The following FAM81B variants were observed in gnomAD, a reference collection of about 807,000 sequenced individuals.
The protein encoded by FAM81B is family with sequence similarity 81 member B.
A neutral mutation model predicts 58.7 loss-of-function variants in FAM81B; 60 were observed. The ratio of observed to expected loss-of-function variants is 1.02; its 90% confidence interval spans 0.83 to 1.27. The LOEUF is 1.27. FAM81B is among the 50% of genes most tolerant of loss of function. FAM81B has a pLI of 0.00. For missense variants in FAM81B, 491 were observed against 522.0 expected, an observed-to-expected ratio of 0.94 and a Z score of 0.58; for synonymous variants, 189 against 179.6, an observed-to-expected ratio of 1.05 and a Z score of -0.42.
At chr5:95,421,911 T>C (rs146294680) in intron 5 of FAM81B, among the ~76,000 whole-genome samples, 2 of 152,344 alleles carry the variant, frequency 1.3e-5, no homozygotes, top group Non-Finnish European at 2.9e-5. Context: ...GGTTGAATAC[T>C]CATGTCATGC....
intron 3 of FAM81B, among the ~76,000 whole-genome samples, chr5:95,402,146 C>T (rs1762130466): frequency 6.6e-6 from 1 of 152,188 alleles, no homozygotes; most frequent in African/African-American, 2.4e-5. Flanking sequence ...CTAGGGAAAG[C>T]CCTCAGTTTT....
intron 3 of FAM81B, among the ~76,000 whole-genome samples, chr5:95,397,815 T>C (rs1762002320): frequency 6.6e-6 from 1 of 152,248 alleles, no homozygotes; most frequent in Non-Finnish European, 1.5e-5. Context: ...TTGTTAATTG[T>C]CTTTTGGTCT....
Position 95,424,315 on chromosome 5 carries a change from A to G in FAM81B, c.656+3913A>G, listed in dbSNP as rs1762766874. On this transcript the variant is annotated intron_variant, in intron 5 of 9. Transcript: ENST00000283357. ...ATAGATGATAGACAGACAGACAGAT[A>G]ATAGATACATAAAACATAAGCAAAA... The G allele has an allele frequency of 3.0e-6, 3 of 1,003,698 alleles. No homozygotes were observed. In the Admixed American group the frequency reaches 7.0e-5, roughly 24 times the overall value. 62.2% of individuals were successfully genotyped at this position (1,003,698 alleles called of 1,614,324 possible).
rs1412899279 is a variant in FAM81B at position 95,420,421 on chromosome 5, AC to A, written c.656+20del. 2 of 1,612,986 alleles carry A rather than the reference AC, an allele frequency of 1.2e-6. No individual in the cohort carries two copies. Among genetic ancestry groups the A allele is most frequent in the Admixed American group, 3.3e-5 (2 of 59,942 alleles). On this transcript the variant is annotated intron_variant, in intron 5 of 9. Transcript: ENST00000283357. ...TAGCCAGGTGAGAAGAAGCATGTTG[AC>A]TAATGTTTAACAGTGAATTCTTGGC... is the stretch of plus-strand genomic sequence containing the variant.
chr5:95,391,534 G>T, intron 1 of FAM81B, 21 bp downstream of exon 1: 2 of 1,588,586 alleles, frequency 1.3e-6, no homozygotes, highest in South Asian at 1.2e-5. Flanking sequence ...ACTATTCGAG[G>T]TCTCTAAATT....
Position 95,450,310 on chromosome 5 carries a change from A to G in FAM81B, c.*28A>G. On this transcript the variant is annotated 3_prime_UTR_variant, in exon 10 of 10. Coordinates refer to ENST00000283357, the MANE Select transcript of FAM81B (RefSeq NM_152548.3). ...CTTTTCAGTCATCTTCTTTTTCATC[A>G]GCCAATGGAGTGATTTGTTGGAAAA... 1.2e-6 allele frequency: 2 copies of G among 1,604,044 alleles called. No homozygotes were observed. Among genetic ancestry groups the G allele is most frequent in the Non-Finnish European group, 1.7e-6 (2 of 1,176,812 alleles).
intron 5 of FAM81B, 139 bp downstream of exon 5, chr5:95,420,541 T>C: frequency 8.0e-7 from 1 of 1,256,736 alleles, no homozygotes; most frequent in Non-Finnish European, 1.1e-6. Flanking sequence ...TTTGAGAAAG[T>C]GTACCATAGA....
chr5:95,415,446 C>T (rs776092908), intron 4 of FAM81B, among the ~76,000 whole-genome samples: 1 of 152,142 alleles, frequency 6.6e-6, no homozygotes, highest in South Asian at 2.1e-4. Context: ...CCATAATGTA[C>T]CTGAGGCAGT....
chr5:95,394,059 A>G (rs1247725261), intron 2 of FAM81B, among the ~76,000 whole-genome samples: 3 of 152,142 alleles, frequency 2.0e-5, no homozygotes, highest in South Asian at 2.1e-4. Flanking sequence ...CCAAAAGCCA[A>G]CATCAGTGGC....
chr5:95,437,004 T>C, intron 7 of FAM81B, 98 bp downstream of exon 7: 1 of 854,662 alleles, frequency 1.2e-6, no homozygotes, highest in Non-Finnish European at 1.9e-6. Flanking sequence ...CCCAGGAATT[T>C]GAACCTGGCC....
Position 95,448,404 on chromosome 5 carries a change from G to T in FAM81B, c.1165G>T (p.Glu389Ter). 6.2e-7 allele frequency: 1 copy of T among 1,612,482 alleles called. No homozygotes were observed. The highest frequency in any genetic ancestry group is 1.1e-5 in the South Asian group (1 of 90,478). ...HMENKLSKKMEQMEKQIWGEL... is the reference protein window; with the variant it reads ...HMENKLSKKM ...GGAAAATAAATTGTCCAAAAAGATG[G>T]AACAAATGGAAAAGCAGATCTGGGG... The change falls in exon 9 of 10, where the codon GAA (glutamate) becomes TAA (stop). Residue 389 changes from glutamate (E) to a stop codon, truncating the protein, a stop_gained. Transcript: ENST00000283357. LOFTEE classifies it high-confidence loss of function.
At chr5:95,403,068 A>G (rs996384393) in intron 3 of FAM81B, among the ~76,000 whole-genome samples, 4 of 152,138 alleles carry the variant, frequency 2.6e-5, no homozygotes, top group African/African-American at 7.2e-5. Flanking sequence ...ATCCTGCCTT[A>G]TATTATTCGC....
intron 5 of FAM81B, among the ~76,000 whole-genome samples, chr5:95,428,089 G>A (rs893967734): frequency 2.6e-5 from 4 of 152,158 alleles, no homozygotes; most frequent in South Asian, 2.1e-4. Context: ...AGGCTAAAAC[G>A]GTGAGAAATT....
chr5:95,414,088 G>T lies in FAM81B; in HGVS notation c.435G>T (p.Gly145=). ...IKEDISACLQ[G]THGFRKEESL... Reference sequence around the variant, plus strand: ...AGGACATCTCTGCTTGCCTGCAGGGGACCCATGGCTTTCGAAAAGAGGAAT... The same window carrying T: ...AGGACATCTCTGCTTGCCTGCAGGGTACCCATGGCTTTCGAAAAGAGGAAT... Residue 145 remains glycine, a synonymous_variant, in exon 4 of 10, where the codon GGG becomes GGT. Coordinates refer to ENST00000283357, the MANE Select transcript of FAM81B (RefSeq NM_152548.3). 1.2e-6 allele frequency: 2 copies of T among 1,614,050 alleles called. No individual in the cohort carries two copies. The highest frequency in any genetic ancestry group is 8.5e-7 in the Non-Finnish European group (1 of 1,180,006).
chr5:95,421,582 T>C lies in FAM81B; in HGVS notation c.656+1180T>C, dbSNP rs560560100. On this transcript the variant is annotated intron_variant, in intron 5 of 9. Transcript: ENST00000283357. ...AGGCTAAGGTAAAGAGTTCGAACTT[T>C]ATGTAGAAGGTTATAAATGACCATG... Among the ~76,000 whole-genome samples the C allele has an allele frequency of 5.3e-5, 8 of 151,816 alleles. No homozygotes were observed. In the South Asian group the frequency reaches 8.3e-4, roughly 16 times the overall value.
In FAM81B at chr5:95,448,421, G is replaced by A; in HGVS notation, c.1182G>A (p.Gln394=). 6.2e-7 allele frequency: 1 copy of A among 1,610,840 alleles called. No individual in the cohort carries two copies. Among genetic ancestry groups the A allele is most frequent in the Non-Finnish European group, 8.5e-7 (1 of 1,179,240 alleles). ...AAAAGATGGAACAAATGGAAAAGCA[G>A]ATCTGGGGTGAATTAGAGACAATGC... ...LSKKMEQMEK[Q]IWGELETMQN... The change falls in exon 9 of 10, where the codon CAG becomes CAA. Residue 394 remains glutamine, a synonymous_variant. Transcript: ENST00000283357.
intron 3 of FAM81B, among the ~76,000 whole-genome samples, chr5:95,402,353 A>G (rs867234978): frequency 6.6e-6 from 1 of 152,346 alleles, no homozygotes. Context: ...AACCATGTAA[A>G]TAAAACCAAA....
chr5:95,446,283 T>C (rs1196459583), intron 7 of FAM81B, among the ~76,000 whole-genome samples: 1 of 152,186 alleles, frequency 6.6e-6, no homozygotes, highest in East Asian at 1.9e-4. Flanking sequence ...TACATTTCAG[T>C]GTGGCTGTGG....
intron 9 of FAM81B, 115 bp downstream of exon 9, chr5:95,448,579 T>C: frequency 2.1e-6 from 2 of 953,534 alleles, no homozygotes; most frequent in Admixed American, 2.8e-5. Flanking sequence ...GACATCGTTA[T>C]GTATTTATTC....
Sources: allele counts gnomAD v4.1 joint callset (sites outside exome capture counted in the v4.1 genomes callset), GRCh38; gene constraint gnomAD v4.1.1; transcripts MANE v1.5; gene names NCBI Gene and HGNC (gene_info 2026-07-23, HGNC 2026-07-21).